TDRD3: variants seen among roughly 807,000 people sequenced by gnomAD.
TDRD3 encodes the protein tudor domain-containing protein 3.
A neutral mutation model predicts 86.7 loss-of-function variants in TDRD3; 45 were observed. The ratio of observed to expected loss-of-function variants is 0.52; its 90% CI spans 0.41 to 0.67. The LOEUF (loss-of-function observed/expected upper bound fraction) is 0.67, where lower values mean the gene tolerates loss of function less well. Ranked by LOEUF, TDRD3 falls within the 30% of genes least tolerant of loss-of-function variation. The probability of loss-of-function intolerance (pLI) is 0.00; values close to 1 mark genes in which losing one functional copy is unlikely to be tolerated. For synonymous variants in TDRD3, 298 were observed against 301.7 expected, an observed-to-expected ratio of 0.99 and a Z score of 0.13; for missense variants, 814 against 889.0, an observed-to-expected ratio of 0.92 and a Z score of 1.07.
At chr13:60,503,894 G>T (rs150521499) in intron 8 of TDRD3, among the ~76,000 whole-genome samples, 1 of 152,206 alleles carries the variant, frequency 6.6e-6, no homozygotes, top group Non-Finnish European at 1.5e-5. Flanking sequence ...CCTTATAGAC[G>T]ATTCCATCTA....
At chr13:60,400,315 A>G (rs149315410) in intron 1 of TDRD3, among the ~76,000 whole-genome samples, 18 of 152,338 alleles carry the variant, frequency 1.2e-4, no homozygotes, top group African/African-American at 3.8e-4. Flanking sequence ...ATAAAATTCT[A>G]CTCACAGGAG....
chr13:60,438,959 A>T (rs531052811), intron 1 of TDRD3, among the ~76,000 whole-genome samples: 25 of 151,628 alleles, frequency 1.6e-4, no homozygotes, highest in African/African-American at 6.1e-4. Context: ...TGAGTTTATC[A>T]AAGAGTTTCA....
intron 8 of TDRD3, among the ~76,000 whole-genome samples, chr13:60,508,683 C>T (rs371692753): frequency 1.3e-5 from 2 of 152,158 alleles, no homozygotes; most frequent in African/African-American, 2.4e-5. Flanking sequence ...AAAACCTAGG[C>T]AATACCATTC....
intron 8 of TDRD3, among the ~76,000 whole-genome samples, chr13:60,505,872 T>C (rs1030754225): frequency 6.6e-6 from 1 of 152,122 alleles, no homozygotes; most frequent in Non-Finnish European, 1.5e-5. Context: ...CCAAGAAATA[T>C]GGGACTATGT....
intron 1 of TDRD3, among the ~76,000 whole-genome samples, chr13:60,404,606 G>A (rs1455759911): frequency 2.0e-5 from 3 of 150,470 alleles, no homozygotes; most frequent in Middle Eastern, 3.7e-3. Context: ...CACCGCGCCC[G>A]GCCCTGTTTG....
intron 1 of TDRD3, among the ~76,000 whole-genome samples, chr13:60,427,461 A>C (rs1425046050): frequency 6.6e-6 from 1 of 152,066 alleles, no homozygotes; most frequent in Non-Finnish European, 1.5e-5. Context: ...CAGCAGCTCC[A>C]TCCTCTTTTC....
intron 8 of TDRD3, among the ~76,000 whole-genome samples, chr13:60,497,615 T>C (rs947477994): frequency 1.3e-5 from 2 of 152,228 alleles, no homozygotes; most frequent in Non-Finnish European, 2.9e-5. Flanking sequence ...ATCATGTGAG[T>C]GGCTGACATG....
intron 1 of TDRD3, among the ~76,000 whole-genome samples, chr13:60,436,436 A>G (rs1202849475): frequency 2.6e-5 from 4 of 152,028 alleles, no homozygotes; most frequent in Admixed American, 1.3e-4. Context: ...ATCCATCTTG[A>G]GTCGATTTTT....
Position 60,463,343 on chromosome 13 carries a change from CAA to C in TDRD3, c.353+2804_353+2805del, listed in dbSNP as rs1259563423. 2.0e-4 allele frequency among the ~76,000 whole-genome samples: 18 copies of C among 88,400 alleles called. No homozygotes were observed. In the Admixed American group the frequency reaches 2.5e-3, roughly 12 times the overall value. 58.0% of individuals were successfully genotyped at this position (88,400 alleles called of 152,430 possible). On this transcript the variant is annotated intron_variant, in intron 4 of 13. Transcript: ENST00000377881. The stretch of plus-strand genomic sequence containing the variant: ...CACCATTGCGCTCCAGTCGGTGTGA[CAA>C]GAGCAAAATTCTGGCTCAAAAAAAA...
At chr13:60,428,137 G>T in intron 1 of TDRD3, among the ~76,000 whole-genome samples, 1 of 151,448 alleles carries the variant, frequency 6.6e-6, no homozygotes. Context: ...TTACTTTTCT[G>T]TGTGTCACTT....
intron 12 of TDRD3, among the ~76,000 whole-genome samples, chr13:60,552,188 C>G (rs1230560969): frequency 6.6e-6 from 1 of 152,202 alleles, no homozygotes; most frequent in African/African-American, 2.4e-5. Context: ...TGCCTTTGAG[C>G]CTGTAAAATC....
At chr13:60,454,400 TTTTTAA>T (rs1368942211) in intron 3 of TDRD3, among the ~76,000 whole-genome samples, 1 of 152,188 alleles carries the variant, frequency 6.6e-6, no homozygotes, top group African/African-American at 2.4e-5. Context: ...TTAATAATTT[TTTTTAA>T]TATTTCTCAA....
intron 7 of TDRD3, among the ~76,000 whole-genome samples, chr13:60,487,418 G>A (rs1956466445): frequency 6.6e-6 from 1 of 152,102 alleles, no homozygotes; most frequent in Non-Finnish European, 1.5e-5. Context: ...GGAGGTTGCA[G>A]TGAGCCAAGA....
At chr13:60,491,114 CAAAA>C (rs35355225) in intron 7 of TDRD3, among the ~76,000 whole-genome samples, 4 of 75,702 alleles carry the variant, frequency 5.3e-5, no homozygotes, top group East Asian at 3.7e-4. Flanking sequence ...AACTCCATCT[CAAAA>C]AAAAAAAAAA....
intron 3 of TDRD3, among the ~76,000 whole-genome samples, chr13:60,445,334 A>C (rs1955374429): frequency 1.3e-5 from 2 of 152,210 alleles, no homozygotes; most frequent in Admixed American, 1.3e-4. Flanking sequence ...AATGGAGTAC[A>C]TCTGGTTACC....
chr13:60,510,039 G>A, intron 9 of TDRD3, 120 bp downstream of exon 9: 1 of 1,175,388 alleles, frequency 8.5e-7, no homozygotes, highest in Non-Finnish European at 1.2e-6. Flanking sequence ...ATGGTAAGTG[G>A]AAGGAACACC....
intron 3 of TDRD3, among the ~76,000 whole-genome samples, chr13:60,455,450 C>T (rs1054998633): frequency 6.6e-5 from 10 of 151,992 alleles, no homozygotes; most frequent in African/African-American, 2.2e-4. Flanking sequence ...AAAAACCTCC[C>T]TTGAAATAAA....
intron 1 of TDRD3, among the ~76,000 whole-genome samples, chr13:60,431,481 A>G (rs7990171): frequency 0.095 from 14,453 of 151,928 alleles, 807 homozygotes; most frequent in African/African-American, 0.15. Flanking sequence ...TTAAATTTCC[A>G]TCTCAATTTT....
intron 10 of TDRD3, among the ~76,000 whole-genome samples, chr13:60,515,087 A>G (rs1957140673): frequency 6.6e-6 from 1 of 152,250 alleles, no homozygotes; most frequent in Non-Finnish European, 1.5e-5. Flanking sequence ...TTACTTTCAA[A>G]GGATTTCATC....
Sources: gnomAD v4.1 joint callset for allele counts (sites outside exome capture counted in the v4.1 genomes callset) on GRCh38, gnomAD v4.1.1 for gene constraint, MANE v1.5 for transcripts, NCBI Gene and HGNC (gene_info 2026-07-23, HGNC 2026-07-21) for gene names.